Variants in CHST15 observed in about 807,000 individuals in gnomAD.
CHST15 encodes the protein B cell RAG associated protein (GALNAC4S-6ST).
CHST15 carries 30 observed loss-of-function variants against 53.6 expected under a neutral mutation model. That is an observed-to-expected ratio of 0.56 (90% CI 0.42 to 0.76). CHST15 has a LOEUF of 0.76. Ranked by LOEUF, CHST15 falls within the 30% of genes least tolerant of loss-of-function variation. The probability of loss-of-function intolerance (pLI) is 0.00; values close to 1 mark genes in which losing one functional copy is unlikely to be tolerated. For missense variants in CHST15, 627 were observed against 740.5 expected (o/e 0.85, Z 1.78); for synonymous variants, 296 against 289.8 (o/e 1.02, Z -0.22).
Position 124,069,881 on chromosome 10 carries a change from G to A in CHST15, c.-512-23157C>T, listed in dbSNP as rs142822515. 9.2e-5 allele frequency among the ~76,000 whole-genome samples: 14 copies of A among 152,328 alleles called. No homozygotes were observed. In the East Asian group the frequency reaches 2.7e-3, roughly 29 times the overall value. On this transcript the variant is annotated intron_variant, in intron 1 of 7. Transcript: ENST00000435907. ...TATCCATTAGGTTCCATGACATGTG[G>A]AATATACTGAGGGCAAAGAAGTCAC... is the stretch of plus-strand genomic sequence containing the variant.
chr10:124,023,846 GT>G (rs35613050), intron 5 of CHST15, among the ~76,000 whole-genome samples: 56,764 of 143,064 alleles, frequency 0.4, 11,486 homozygotes, highest in East Asian at 0.9. Flanking sequence ...TTCCGTCTTC[GT>G]TTTTTTTTTT....
At chr10:124,087,692 C>G (rs1249810138) in intron 1 of CHST15, among the ~76,000 whole-genome samples, 1 of 152,204 alleles carries the variant, frequency 6.6e-6, no homozygotes, top group Non-Finnish European at 1.5e-5. Flanking sequence ...GAGAGCCTGC[C>G]GAAGCCAGGA....
intron 4 of CHST15, among the ~76,000 whole-genome samples, chr10:124,042,081 T>C (rs962328212): frequency 6.6e-6 from 1 of 152,234 alleles, no homozygotes; most frequent in Non-Finnish European, 1.5e-5. Flanking sequence ...CTCCAAAGAA[T>C]TAGAAAGTCA....
intron 1 of CHST15, among the ~76,000 whole-genome samples, chr10:124,064,797 C>T (rs1948704749): frequency 6.6e-6 from 1 of 152,094 alleles, no homozygotes; most frequent in African/African-American, 2.4e-5. Context: ...CTCTTGCTCA[C>T]CCTTCAGATC....
intron 4 of CHST15, among the ~76,000 whole-genome samples, chr10:124,039,075 A>C (rs1240781438): frequency 6.6e-6 from 1 of 152,130 alleles, no homozygotes; most frequent in Non-Finnish European, 1.5e-5. Context: ...TGTCAGAAAA[A>C]CACGCCAAAA....
At position 124,019,415 on chromosome 10, in the gene CHST15, A is replaced by C. The variant is rs1276547200; in HGVS notation, c.1347+1841T>G. Among the ~76,000 whole-genome samples, 1 of 152,130 alleles carries C rather than the reference A, an allele frequency of 6.6e-6. No individual in the cohort carries two copies. The highest frequency in any genetic ancestry group is 1.5e-5 in the Non-Finnish European group (1 of 68,016). On this transcript the variant is annotated intron_variant, in intron 6 of 7. Coordinates refer to ENST00000435907, the MANE Select transcript of CHST15 (RefSeq NM_001270764.2). The surrounding 1 kb of genome is among the most constrained non-coding windows in gnomAD (Gnocchi z 4.6). Reference sequence around the variant, plus strand: ...TTCTGGGTCACGAAGCCGGGTCGACAAGCTGTGCTGGTCAAGCCACACACA... The same window carrying C: ...TTCTGGGTCACGAAGCCGGGTCGACCAGCTGTGCTGGTCAAGCCACACACA...
chr10:124,084,056 G>C (rs1321203119), intron 1 of CHST15, among the ~76,000 whole-genome samples: 1 of 152,246 alleles, frequency 6.6e-6, no homozygotes, highest in African/African-American at 2.4e-5. Flanking sequence ...CTGAGGCTCA[G>C]GAGGCTGCAC....
At chr10:124,011,492 TACTC>T (rs1309879396) in intron 7 of CHST15, 10 of 985,270 alleles carry the variant, frequency 1.0e-5, no homozygotes, top group Non-Finnish European at 1.2e-5. Flanking sequence ...TTTTCAGAAA[TACTC>T]AATTAACCAA....
At chr10:124,039,228 A>T (rs754714439) in intron 4 of CHST15, among the ~76,000 whole-genome samples, 17 of 152,212 alleles carry the variant, frequency 1.1e-4, no homozygotes, top group Non-Finnish European at 2.2e-4. Flanking sequence ...GCCCAAGATG[A>T]TGAAAGGCCT....
chr10:124,042,206 G>A, intron 4 of CHST15, 95 bp downstream of exon 4: 5 of 1,315,468 alleles, frequency 3.8e-6, no homozygotes, highest in Admixed American at 2.2e-5. Context: ...CCATGTAAAT[G>A]TTCTGGAGGT....
chr10:124,035,156 C>T (rs1157973792), intron 5 of CHST15, among the ~76,000 whole-genome samples: 1 of 148,880 alleles, frequency 6.7e-6, no homozygotes, highest in Admixed American at 6.6e-5. Context: ...CTAACGGGGA[C>T]CCCGGCTCCG....
chr10:124,013,419 C>T (rs958617664), intron 6 of CHST15, among the ~76,000 whole-genome samples: 3 of 152,232 alleles, frequency 2.0e-5, no homozygotes, highest in Admixed American at 6.5e-5. Context: ...GCACTAACAC[C>T]GTCCATGACT....
At chr10:124,028,686 A>G (rs567912670) in intron 5 of CHST15, among the ~76,000 whole-genome samples, 2 of 152,182 alleles carry the variant, frequency 1.3e-5, no homozygotes, top group South Asian at 4.1e-4. Context: ...ACAAGCTTCA[A>G]TCTCAGCTTC....
intron 6 of CHST15, chr10:124,020,393 T>A: frequency 1.0e-6 from 1 of 985,502 alleles, no homozygotes; most frequent in Non-Finnish European, 1.2e-6. Context: ...CCCTGTGGCA[T>A]CTTCCTTGCC....
At position 124,026,801 on chromosome 10, in the gene CHST15, C is replaced by G. The variant is rs370899470; in HGVS notation, c.1191-5389G>C. On this transcript the variant is annotated intron_variant, in intron 5 of 7. Coordinates refer to ENST00000435907, the MANE Select transcript of CHST15 (RefSeq NM_001270764.2). ...ATGCAAAAACTCAGCAGGAAGGAGC[C>G]CAGTCCCGAACTCCTGAAGGACTGA... Among the ~76,000 whole-genome samples, 53 of 152,240 alleles carry G rather than the reference C, an allele frequency of 3.5e-4. No individual in the cohort carries two copies. In the East Asian group the frequency reaches 7.9e-3, roughly 23 times the overall value.
At chr10:124,052,039 G>GA (rs988641370) in intron 1 of CHST15, among the ~76,000 whole-genome samples, 2 of 151,870 alleles carry the variant, frequency 1.3e-5, no homozygotes, top group South Asian at 2.1e-4. Context: ...GACAGAGAGG[G>GA]AAAAAAATAG....
chr10:124,032,922 T>TATAAAAGTAA (rs11283114), intron 5 of CHST15, among the ~76,000 whole-genome samples: 1 of 151,796 alleles, frequency 6.6e-6, no homozygotes. Context: ...TTGGATCAAT[T>TATAAAAGTAA]AGGCTGAATG....
intron 5 of CHST15, among the ~76,000 whole-genome samples, chr10:124,038,226 C>T (rs927277420): frequency 6.6e-6 from 1 of 152,000 alleles, no homozygotes; most frequent in African/African-American, 2.4e-5. Flanking sequence ...CCTGCCTCAG[C>T]CTCCCGAGTA....
intron 1 of CHST15, among the ~76,000 whole-genome samples, chr10:124,065,966 G>A (rs538656130): frequency 7.2e-5 from 11 of 152,168 alleles, no homozygotes; most frequent in African/African-American, 1.2e-4. Context: ...TTCCTTTCCC[G>A]TAAAGGAAAC....
Sources: gnomAD v4.1 joint callset for allele counts (sites outside exome capture counted in the v4.1 genomes callset) on GRCh38, gnomAD v4.1.1 for gene constraint, Gnocchi (gnomAD v3.1) non-coding constraint, MANE v1.5 for transcripts, NCBI Gene and HGNC (gene_info 2026-07-23, HGNC 2026-07-21) for gene names.